CEP76: variants seen among roughly 807,000 people sequenced by gnomAD.
CEP76 encodes centrosomal protein 76.
CEP76 carries 55 observed loss-of-function variants against 83.3 expected under a neutral mutation model. That is an observed-to-expected ratio of 0.66 (90% CI 0.53 to 0.83). The LOEUF (loss-of-function observed/expected upper bound fraction) is 0.83, where lower values mean the gene tolerates loss of function less well. Among genes scored for constraint, CEP76 ranks in the 40% least tolerant of loss-of-function variants. The pLI, the probability that CEP76 is intolerant of heterozygous loss-of-function variation, is 0.00. For missense variants in CEP76, 694 were observed against 799.5 expected, an observed-to-expected ratio of 0.87 and a Z score of 1.59; for synonymous variants, 270 against 274.5, an observed-to-expected ratio of 0.98 and a Z score of 0.16.
Position 12,699,888 on chromosome 18 carries a change from T to A in CEP76, c.237A>T (p.Glu79Asp), listed in dbSNP as rs756310406. ...LNFVTDSVEQ[E>D]LPSSPKQPIC... is the part of the protein sequence containing the mutation. ...TAGGTTGTTTTGGAGAGGAAGGGAGTTCTTGCTCAACACTGTCCTAGAAAG... is the reference window on the plus strand; with the variant it reads ...TAGGTTGTTTTGGAGAGGAAGGGAGATCTTGCTCAACACTGTCCTAGAAAG... Residue 79 changes from glutamate (E) to aspartate (D), a missense_variant, in exon 3 of 12, where the codon GAA becomes GAT. Physicochemically the swap from Glu to Asp is conservative, Grantham distance 45. Coordinates refer to ENST00000262127, the MANE Select transcript of CEP76 (RefSeq NM_024899.4). 6.3e-7 allele frequency: 1 copy of A among 1,597,240 alleles called. No homozygotes were observed. The highest frequency in any genetic ancestry group is 1.1e-5 in the South Asian group (1 of 87,708).
At chr18:12,702,406 C>A in intron 1 of CEP76, 80 bp downstream of exon 1, 1 of 1,091,610 alleles carries the variant, frequency 9.2e-7, no homozygotes, top group Non-Finnish European at 1.4e-6. Flanking sequence ...GCAGATGCCG[C>A]TGTCGGCCCG....
rs888272839 is a variant in CEP76 at position 12,702,614 on chromosome 18, C to G, written c.-66G>C. On this transcript the variant is annotated 5_prime_UTR_variant, in exon 1 of 12. Transcript: ENST00000262127. The stretch of plus-strand genomic sequence containing the variant: ...GATGCCCTAACTGCGCGGCCCCGGC[C>G]GGGCCAGGGAGCGTTAGGAGCGACT... 40 of 1,538,720 alleles carry G rather than the reference C, an allele frequency of 2.6e-5. No homozygotes were observed. Among genetic ancestry groups the G allele is most frequent in the Non-Finnish European group, 3.4e-5 (39 of 1,146,088 alleles).
chr18:12,690,141 T>C (rs2039700076), intron 7 of CEP76, among the ~76,000 whole-genome samples: 1 of 152,180 alleles, frequency 6.6e-6, no homozygotes, highest in African/African-American at 2.4e-5. Context: ...CCTGATAATG[T>C]TGTTACCTTG....
chr18:12,682,442 G>A (rs1292069903), intron 8 of CEP76, among the ~76,000 whole-genome samples: 1 of 152,092 alleles, frequency 6.6e-6, no homozygotes, highest in Non-Finnish European at 1.5e-5. Flanking sequence ...GCTTGCCTCA[G>A]CCTCCCAAAG....
At chr18:12,690,168 T>C (rs1470916794) in intron 7 of CEP76, among the ~76,000 whole-genome samples, 1 of 152,184 alleles carries the variant, frequency 6.6e-6, no homozygotes, top group East Asian at 1.9e-4. Context: ...AGTCATTCAA[T>C]ATATAAACAA....
intron 1 of CEP76, 134 bp downstream of exon 1, chr18:12,702,352 A>G: frequency 2.9e-6 from 2 of 678,324 alleles, no homozygotes; most frequent in South Asian, 3.2e-5. Context: ...AGCTCTGCCT[A>G]CTCTGCGTTG....
intron 6 of CEP76, among the ~76,000 whole-genome samples, chr18:12,692,880 C>G (rs1568027608): frequency 6.6e-6 from 1 of 152,182 alleles, no homozygotes; most frequent in African/African-American, 2.4e-5. Flanking sequence ...TGGAGTGCTA[C>G]TGCATGATCA....
intron 2 of CEP76, among the ~76,000 whole-genome samples, chr18:12,700,641 G>A (rs1033332501): frequency 6.6e-6 from 1 of 152,070 alleles, no homozygotes; most frequent in African/African-American, 2.4e-5. Flanking sequence ...AGATCATAAT[G>A]AAAAAGAACT....
chr18:12,692,700 G>C (rs2145077138), intron 6 of CEP76, among the ~76,000 whole-genome samples: 1 of 152,268 alleles, frequency 6.6e-6, no homozygotes. Context: ...TCCTGCACTA[G>C]AATCTAAACT....
intron 6 of CEP76, among the ~76,000 whole-genome samples, chr18:12,691,709 A>T (rs1240212176): frequency 5.7e-5 from 8 of 140,300 alleles, no homozygotes; most frequent in Non-Finnish European, 1.2e-4. Context: ...CAAAGACAGA[A>T]TTTTTTTTTT....
intron 8 of CEP76, among the ~76,000 whole-genome samples, chr18:12,681,711 GAAC>G (rs199996814): frequency 0.018 from 2,782 of 152,120 alleles, 93 homozygotes; most frequent in African/African-American, 0.062. Context: ...TGACTGGCAA[GAAC>G]AACAACAAAA....
At chr18:12,672,265 C>G (rs2144971538), downstream of CEP76, among the ~76,000 whole-genome samples, 1 of 151,992 alleles carries the variant, frequency 6.6e-6, no homozygotes, top group South Asian at 2.1e-4. Flanking sequence ...CAGGTGTGAG[C>G]CACCGCACCC....
intron 4 of CEP76, 130 bp downstream of exon 4, chr18:12,698,849 G>T: frequency 1.5e-6 from 1 of 650,616 alleles, no homozygotes; most frequent in Non-Finnish European, 2.7e-6. Context: ...ATTGAAAAGA[G>T]CAGTGGGAAA....
chr18:12,671,923 C>T (rs974695058), downstream of CEP76, among the ~76,000 whole-genome samples: 8 of 152,184 alleles, frequency 5.3e-5, no homozygotes, highest in East Asian at 1.2e-3. Flanking sequence ...CAGGTTCAAG[C>T]GATTCTCCTG....
intron 10 of CEP76, among the ~76,000 whole-genome samples, chr18:12,675,867 C>A (rs998187641): frequency 2.0e-5 from 3 of 151,908 alleles, no homozygotes; most frequent in Non-Finnish European, 4.4e-5. Flanking sequence ...CGGGCTTTCA[C>A]CATGTTGGCC....
At chr18:12,676,253 TTTTC>T (rs2039126066) in intron 10 of CEP76, among the ~76,000 whole-genome samples, 1 of 151,822 alleles carries the variant, frequency 6.6e-6, no homozygotes, top group Non-Finnish European at 1.5e-5. Context: ...CACAGCTTTG[TTTTC>T]TTTTTCTGTA....
chr18:12,687,342 C>A (rs1049336575), intron 7 of CEP76, among the ~76,000 whole-genome samples: 2 of 152,044 alleles, frequency 1.3e-5, no homozygotes, highest in African/African-American at 4.8e-5. Flanking sequence ...GAAAAAAAAA[C>A]TCACTTATTT....
In CEP76 at chr18:12,664,242, A is replaced by AT. The variant is rs760485189; in HGVS notation, c.*1728-2074dup. On this transcript the variant is annotated intron_variant and NMD_transcript_variant, in intron 12 of 12. Coordinates refer to the CEP76 transcript ENST00000590143. ...AGGGATGTGCCACCACACCCCGCTA[A>AT]TTTTTTAAAACTTTTTGTAGGCCGG... 4.5e-4 allele frequency among the ~76,000 whole-genome samples: 68 copies of AT among 152,142 alleles called. 1 individual carries two copies. Among genetic ancestry groups the AT allele is most frequent in the Non-Finnish European group, 4.9e-4 (33 of 67,998 alleles).
rs767221964 is a variant in CEP76 at position 12,674,540 on chromosome 18, GACATGTGGCAAATGC to G, written c.1822_1836del (p.Ala608_Cys612del). On this transcript the variant is annotated inframe_deletion, in exon 11 of 12. Coordinates refer to ENST00000262127, the MANE Select transcript of CEP76 (RefSeq NM_024899.4). Reference sequence around the variant, plus strand: ...ATTCCGTAAATTACACCTTACCGAAGACATGTGGCAAATGCACGTCTTGCATTTCTATACACAAAA... The same window carrying G: ...ATTCCGTAAATTACACCTTACCGAAGACGTCTTGCATTTCTATACACAAAA... 3.7e-6 allele frequency: 6 copies of G among 1,610,904 alleles called. No individual in the cohort carries two copies. In the Admixed American group the frequency reaches 1.0e-4, roughly 27 times the overall value.
Sources: gnomAD v4.1 joint callset for allele counts (sites outside exome capture counted in the v4.1 genomes callset) on GRCh38, gnomAD v4.1.1 for gene constraint, MANE v1.5 for transcripts, NCBI Gene and HGNC (gene_info 2026-07-23, HGNC 2026-07-21) for gene names.